PPP6R2: variants seen among roughly 807,000 people sequenced by gnomAD.
The protein encoded by PPP6R2 is serine/threonine-protein phosphatase 6 regulatory subunit 2.
In PPP6R2, 62 loss-of-function variants were observed where a neutral mutation model predicts 100.2. That is an observed-to-expected ratio of 0.62 (90% CI 0.50 to 0.76). PPP6R2 has a LOEUF of 0.76. Among genes scored for constraint, PPP6R2 ranks in the 30% least tolerant of loss-of-function variants. PPP6R2 has a pLI of 0.00. For missense variants in PPP6R2, 1,142 were observed against 1,276.3 expected (o/e 0.89, Z 1.60); for synonymous variants, 525 against 514.7 (o/e 1.02, Z -0.27).
At chr22:50,440,554 G>A (rs1323654464) in intron 21 of PPP6R2, among the ~76,000 whole-genome samples, 1 of 152,188 alleles carries the variant, frequency 6.6e-6, no homozygotes, top group Admixed American at 6.5e-5. Flanking sequence ...GAGGCGGAGT[G>A]GGCCCCTCCC....
At chr22:50,414,797 A>G in intron 5 of PPP6R2, 108 bp downstream of exon 5, 7 of 1,272,008 alleles carry the variant, frequency 5.5e-6, no homozygotes, top group Non-Finnish European at 7.5e-6. Context: ...CCATCTCTCC[A>G]CCTAGCGTGC....
At chr22:50,419,506 C>T in intron 8 of PPP6R2, 44 bp downstream of exon 8, 1 of 1,400,052 alleles carries the variant, frequency 7.1e-7, no homozygotes, top group Middle Eastern at 1.8e-4. Context: ...AACTTGACGC[C>T]TCAGTGATAT....
chr22:50,429,029 T>A (rs987046004), intron 10 of PPP6R2, among the ~76,000 whole-genome samples: 1 of 144,870 alleles, frequency 6.9e-6, no homozygotes, highest in Non-Finnish European at 1.5e-5. Flanking sequence ...GAAAGTATGT[T>A]GAATTTTTTT....
At chr22:50,378,708 C>T (rs2052192842) in intron 2 of PPP6R2, among the ~76,000 whole-genome samples, 1 of 141,788 alleles carries the variant, frequency 7.1e-6, no homozygotes, top group Non-Finnish European at 1.5e-5. Context: ...GGTGAAACCC[C>T]ATCTCTACAA....
At chr22:50,347,431 T>C (rs928478836) in intron 1 of PPP6R2, among the ~76,000 whole-genome samples, 19 of 152,048 alleles carry the variant, frequency 1.2e-4, no homozygotes, top group Non-Finnish European at 2.1e-4. Context: ...GCTTGAGATA[T>C]CACCAGTCAT....
intron 3 of PPP6R2, among the ~76,000 whole-genome samples, chr22:50,396,704 G>A (rs924765550): frequency 2.0e-5 from 3 of 152,166 alleles, no homozygotes; most frequent in African/African-American, 7.2e-5. Context: ...TGTCTTAGAA[G>A]GAAGATAAAG....
At chr22:50,442,181 T>C (rs772770846) in intron 22 of PPP6R2, among the ~76,000 whole-genome samples, 63 of 152,140 alleles carry the variant, frequency 4.1e-4, no homozygotes, top group South Asian at 4.2e-4. Context: ...GTACTACCCT[T>C]CCCCCACAGG....
intron 2 of PPP6R2, among the ~76,000 whole-genome samples, chr22:50,374,063 T>C (rs969295850): frequency 2.6e-5 from 4 of 152,172 alleles, no homozygotes; most frequent in Non-Finnish European, 4.4e-5. Flanking sequence ...AAAACAATTT[T>C]TTTAGAGATG....
chr22:50,437,163 C>G (rs963725226), intron 15 of PPP6R2, 95 bp downstream of exon 15: 41 of 1,239,766 alleles, frequency 3.3e-5, no homozygotes, highest in African/African-American at 4.5e-5. Flanking sequence ...TGGCATCTCA[C>G]TAGCAAAGGG....
At chr22:50,376,811 G>A (rs1036618262) in intron 2 of PPP6R2, among the ~76,000 whole-genome samples, 44 of 152,208 alleles carry the variant, frequency 2.9e-4, no homozygotes, top group African/African-American at 9.1e-4. Context: ...AGGCCGAGGC[G>A]GGCAGATCAC....
Position 50,431,391 on chromosome 22 carries a change from A to T in PPP6R2, c.1335+9A>T, listed in dbSNP as rs778429569. The T allele has an allele frequency of 1.2e-6, 2 of 1,610,324 alleles. No individual in the cohort carries two copies. The highest frequency in any genetic ancestry group is 2.2e-5 in the South Asian group (2 of 91,016). On this transcript the variant is annotated intron_variant, in intron 11 of 23. Coordinates refer to ENST00000612753, the MANE Select transcript of PPP6R2 (RefSeq NM_001242898.2). The surrounding 1 kb of genome is among the most constrained non-coding windows in gnomAD (Gnocchi z 4.8). ...ACACAATGGTGACCCACGTGAGTCCAAGAAGCATCCATCTTATCAGCGCCA... is the reference window on the plus strand; with the variant it reads ...ACACAATGGTGACCCACGTGAGTCCTAGAAGCATCCATCTTATCAGCGCCA...
chr22:50,398,025 C>G (rs531345233), intron 3 of PPP6R2, among the ~76,000 whole-genome samples: 1 of 152,106 alleles, frequency 6.6e-6, no homozygotes. Context: ...AGCACGTGCA[C>G]ATATCACTTG....
At chr22:50,372,697 T>TC (rs758809133) in intron 2 of PPP6R2, among the ~76,000 whole-genome samples, 1 of 148,962 alleles carries the variant, frequency 6.7e-6, no homozygotes, top group Non-Finnish European at 1.5e-5. Flanking sequence ...TTAATTCTTC[T>TC]TTTTTTTTTG....
intron 3 of PPP6R2, among the ~76,000 whole-genome samples, chr22:50,403,834 C>T (rs1251873732): frequency 1.3e-5 from 2 of 152,188 alleles, no homozygotes; most frequent in Non-Finnish European, 2.9e-5. Flanking sequence ...CCCAGCCAGC[C>T]GAGATCATTG....
rs200787999 is a variant in PPP6R2, at chr22:50,443,999, G to C, written c.2713G>C (p.Ala905Pro). 5 of 1,613,222 alleles carry C rather than the reference G, an allele frequency of 3.1e-6. No individual in the cohort carries two copies. The highest frequency in any genetic ancestry group is 2.2e-5 in the East Asian group (1 of 44,876). The change falls in exon 23 of 24, where the codon GCC becomes CCC. Residue 905 changes from alanine (A) to proline (P), a missense_variant. By Grantham distance (27) the Ala-to-Pro change is conservative (BLOSUM62 -1). This residue lies in a region of PPP6R2 where 550 missense variants were observed against 517.4 expected (regional missense o/e 1.06). Coordinates refer to ENST00000612753, the MANE Select transcript of PPP6R2 (RefSeq NM_001242898.2). ...ITTALSKAGPAIPTPAVSSAL... is the reference protein window; with the variant it reads ...ITTALSKAGPPIPTPAVSSAL... ...CACAGCACTGAGCAAGGCTGGCCCCGCCATACCCACCCCAGCAGTCTCTTC... is the reference window on the plus strand; with the variant it reads ...CACAGCACTGAGCAAGGCTGGCCCCCCCATACCCACCCCAGCAGTCTCTTC...
Position 50,438,581 on chromosome 22 carries a change from ACT to A in PPP6R2, c.1965-15_1965-14del, listed in dbSNP as rs755989423. 4.3e-6 allele frequency: 7 copies of A among 1,612,784 alleles called. No homozygotes were observed. The Admixed American group carries it at 5.0e-5, about 12-fold the overall frequency. ...TCCGTCCTGGGCCACCAGACATCTG[ACT>A]CTGAATCTCCCCCAGGTTTGGAGCC... On this transcript the variant is annotated splice_polypyrimidine_tract_variant and intron_variant, in intron 18 of 23. Transcript: ENST00000612753.
In PPP6R2 at chr22:50,444,401, C is replaced by T; in HGVS notation, c.*154C>T. 2 of 1,035,544 alleles carry T rather than the reference C, an allele frequency of 1.9e-6. No homozygotes were observed. The highest frequency in any genetic ancestry group is 1.6e-5 in the South Asian group (1 of 64,344). 64.1% of individuals were successfully genotyped at this position (1,035,544 alleles called of 1,614,324 possible). A position where few individuals can be genotyped will look rare whatever the true frequency, so the allele number is the denominator to read the frequency against. ...CTGGCAGTTGAAACCAGTTGGACGG[C>T]CCAGCTTGCGTCTCTTCTGCCTGAG... On this transcript the variant is annotated 3_prime_UTR_variant, in exon 24 of 24. Transcript: ENST00000612753.
chr22:50,379,346 A>T (rs185825620), intron 2 of PPP6R2, among the ~76,000 whole-genome samples: 3 of 151,964 alleles, frequency 2.0e-5, no homozygotes, highest in East Asian at 3.9e-4. Flanking sequence ...AAAATAAAAA[A>T]ATTAGCCGGG....
chr22:50,443,544 C>G (rs2066334830), intron 22 of PPP6R2: 1 of 348,388 alleles, frequency 2.9e-6, no homozygotes. Context: ...CAGTGTGAGG[C>G]TGAAGTTGAG....
Sources: allele counts gnomAD v4.1 joint callset (sites outside exome capture counted in the v4.1 genomes callset), GRCh38; gene constraint gnomAD v4.1.1; regional missense constraint gnomAD v4.1.1; non-coding constraint Gnocchi (gnomAD v3.1); transcripts MANE v1.5; gene names NCBI Gene and HGNC (gene_info 2026-07-23, HGNC 2026-07-21).